The following LRRC69 variants were observed in gnomAD, a reference collection of about 807,000 sequenced individuals.
LRRC69 encodes the protein leucine rich repeat containing 69, also known as leucine-rich repeat-containing protein 69.
In LRRC69, 42 loss-of-function variants were observed where a neutral mutation model predicts 37.8. That is an observed-to-expected ratio of 1.11 (90% confidence interval 0.87 to 1.44). The LOEUF (loss-of-function observed/expected upper bound fraction) is 1.44, where lower values mean the gene tolerates loss of function less well. LRRC69 is among the 40% of genes most tolerant of loss of function. The pLI is 0.00. For missense variants in LRRC69, 357 were observed against 401.9 expected, an observed-to-expected ratio of 0.89 and a Z score of 0.96; for synonymous variants, 141 against 143.1, an observed-to-expected ratio of 0.99 and a Z score of 0.11.
intron 5 of LRRC69, among the ~76,000 whole-genome samples, chr8:91,167,387 C>G (rs931470516): frequency 1.3e-5 from 2 of 151,504 alleles, no homozygotes; most frequent in East Asian, 2.0e-4. Context: ...GAGAACAGCC[C>G]GGGAAAGACC....
At chr8:91,118,374 A>ATG in intron 1 of LRRC69, 1 of 59,602 alleles carries the variant, frequency 1.7e-5, no homozygotes, top group South Asian at 2.3e-4. Flanking sequence ...AAAAAAAAAA[A>ATG]AAAAAAAAAA....
chr8:91,134,307 A>G (rs1813864834), intron 4 of LRRC69, among the ~76,000 whole-genome samples: 1 of 151,454 alleles, frequency 6.6e-6, no homozygotes, highest in Non-Finnish European at 1.5e-5. Context: ...GAACCAGGGA[A>G]GCAAACGGTG....
intron 5 of LRRC69, among the ~76,000 whole-genome samples, chr8:91,150,373 G>A (rs1354951247): frequency 6.6e-6 from 1 of 151,806 alleles, no homozygotes; most frequent in Non-Finnish European, 1.5e-5. Context: ...TTCTGTTTAT[G>A]TGCTGGATTA....
intron 5 of LRRC69, among the ~76,000 whole-genome samples, chr8:91,176,134 A>ATTTTTTTTTTTT (rs771986461): frequency 2.0e-4 from 15 of 75,702 alleles, no homozygotes; most frequent in African/African-American, 6.1e-4. Flanking sequence ...ATATATATAT[A>ATTTTTTTTTTTT]TTTTTTTTTT....
chr8:91,178,822 C>A (rs1809278082), intron 5 of LRRC69, among the ~76,000 whole-genome samples: 1 of 152,208 alleles, frequency 6.6e-6, no homozygotes, highest in East Asian at 1.9e-4. Context: ...GCAGGACTAC[C>A]TGAGAGGTGA....
intron 3 of LRRC69, among the ~76,000 whole-genome samples, chr8:91,128,082 T>C (rs937028790): frequency 5.3e-5 from 8 of 152,058 alleles, no homozygotes; most frequent in African/African-American, 1.9e-4. Context: ...GTCTGCTTGC[T>C]TTTTTACAAA....
intron 5 of LRRC69, among the ~76,000 whole-genome samples, chr8:91,173,661 G>T (rs1809172652): frequency 1.3e-5 from 2 of 152,066 alleles, no homozygotes; most frequent in South Asian, 4.2e-4. Flanking sequence ...ATAAACAACA[G>T]GAATTGTTTA....
At chr8:91,203,443 GTGC>G in intron 7 of LRRC69, among the ~76,000 whole-genome samples, 1 of 150,482 alleles carries the variant, frequency 6.6e-6, no homozygotes, top group African/African-American at 2.5e-5. Context: ...CCAGCCTAAA[GTGC>G]AGTGGTGGTG....
intron 6 of LRRC69, among the ~76,000 whole-genome samples, chr8:91,190,553 CTA>C (rs988825163): frequency 6.6e-6 from 1 of 152,036 alleles, no homozygotes; most frequent in African/African-American, 2.4e-5. Flanking sequence ...AGTTCAAACT[CTA>C]TACACTATAT....
At chr8:91,195,830 T>G (rs1809588037) in intron 6 of LRRC69, among the ~76,000 whole-genome samples, 1 of 150,940 alleles carries the variant, frequency 6.6e-6, no homozygotes, top group African/African-American at 2.4e-5. Flanking sequence ...AATTGGAGCA[T>G]TTAGTCCATT....
Position 91,192,325 on chromosome 8 carries a change from C to T in LRRC69, c.753+2702C>T, listed in dbSNP as rs546303644. 5.3e-3 allele frequency among the ~76,000 whole-genome samples: 812 copies of T among 152,064 alleles called. 10 individuals carry two copies. Among genetic ancestry groups the T allele is most frequent in the African/African-American group, 0.019 (784 of 41,448 alleles). On this transcript the variant is annotated intron_variant, in intron 6 of 7. Coordinates refer to ENST00000448384, the Ensembl canonical transcript of LRRC69. The stretch of plus-strand genomic sequence containing the variant: ...AAACATACGTGTGCATGTGTCTTTA[C>T]AGCAGCATGATTTATAGTCCTTTGG...
At chr8:91,138,928 T>A (rs1808475149) in intron 5 of LRRC69, 1 of 151,826 alleles carries the variant, frequency 6.6e-6, no homozygotes, top group African/African-American at 2.4e-5. Context: ...TAGCTGGGTT[T>A]AGTGGTACAC....
At chr8:91,192,144 T>C (rs1809508470) in intron 6 of LRRC69, among the ~76,000 whole-genome samples, 1 of 152,040 alleles carries the variant, frequency 6.6e-6, no homozygotes, top group Non-Finnish European at 1.5e-5. Flanking sequence ...TGATTTCCAA[T>C]TTCATCCATG....
intron 6 of LRRC69, among the ~76,000 whole-genome samples, chr8:91,195,562 CTCT>C (rs1281649141): frequency 6.7e-6 from 1 of 149,892 alleles, no homozygotes; most frequent in African/African-American, 2.4e-5. Flanking sequence ...GGATAGTTAG[CTCT>C]TCTTGTTGAA....
At chr8:91,174,889 TA>T (rs5893163) in intron 5 of LRRC69, among the ~76,000 whole-genome samples, 102,802 of 151,942 alleles carry the variant, frequency 0.68, 35,274 homozygotes, top group African/African-American at 0.74. Flanking sequence ...AACTGGCTTT[TA>T]AAACCTGAAA....
At chr8:91,137,938 T>C (rs1297275100) in intron 5 of LRRC69, among the ~76,000 whole-genome samples, 1 of 152,054 alleles carries the variant, frequency 6.6e-6, no homozygotes, top group African/African-American at 2.4e-5. Context: ...CACAGTAGTG[T>C]AGACATGAAT....
chr8:91,126,511 C>T (rs1207127890), intron 2 of LRRC69, among the ~76,000 whole-genome samples: 2 of 152,094 alleles, frequency 1.3e-5, no homozygotes, highest in Non-Finnish European at 2.9e-5. Context: ...ACTGCAGTTG[C>T]GTTCCCATAT....
chr8:91,166,476 G>C (rs1256938297), intron 5 of LRRC69, among the ~76,000 whole-genome samples: 1 of 124,740 alleles, frequency 8.0e-6, no homozygotes, highest in Non-Finnish European at 1.6e-5. Context: ...GGGAAGAGGG[G>C]GTTGTAAAAT....
At chr8:91,197,750 C>A (rs966106640) in intron 6 of LRRC69, among the ~76,000 whole-genome samples, 4 of 152,008 alleles carry the variant, frequency 2.6e-5, no homozygotes, top group Non-Finnish European at 1.5e-5. Flanking sequence ...GTCTGGCACT[C>A]CCTAGTGAGA....
Sources: gnomAD v4.1 joint callset for allele counts (sites outside exome capture counted in the v4.1 genomes callset) on GRCh38, gnomAD v4.1.1 for gene constraint, MANE v1.5 for transcripts, NCBI Gene and HGNC (gene_info 2026-07-23, HGNC 2026-07-21) for gene names.